Variants in ATP2C1 observed in about 807,000 individuals in gnomAD.
ATP2C1 encodes ATPase secretory pathway Ca2+ transporting 1.
ATP2C1 carries 31 observed loss-of-function variants against 120.5 expected under a neutral mutation model. The ratio of observed to expected loss-of-function variants is 0.26; its 90% confidence interval spans 0.19 to 0.35. ATP2C1 has a LOEUF of 0.35. Among genes scored for constraint, ATP2C1 ranks in the 10% least tolerant of loss-of-function variants. ATP2C1 has a pLI of 1.00. For missense variants in ATP2C1, 731 were observed against 1,107.5 expected, an observed-to-expected ratio of 0.66 and a Z score of 4.83; for synonymous variants, 351 against 358.7, an observed-to-expected ratio of 0.98 and a Z score of 0.24.
At chr3:130,970,982 T>G (rs1462008030) in intron 17 of ATP2C1, among the ~76,000 whole-genome samples, 1 of 152,092 alleles carries the variant, frequency 6.6e-6, no homozygotes, top group Non-Finnish European at 1.5e-5. Context: ...CAAGCTTAGG[T>G]GAAAGAAGAC....
rs1196045780 is a variant in ATP2C1, at chr3:130,947,162, T to C, written c.531+5463T>C. Among the ~76,000 whole-genome samples the C allele has an allele frequency of 2.6e-5, 4 of 152,172 alleles. No homozygotes were observed. In the East Asian group the frequency reaches 7.7e-4, roughly 29 times the overall value. ...ATGTGCCTAGGAATCAGCTGGGCTC[T>C]GTTTTGGTAGGTGTAGGGTGGGGCC... On this transcript the variant is annotated intron_variant, in intron 8 of 27. Coordinates refer to ENST00000510168, the MANE Select transcript of ATP2C1 (RefSeq NM_001378687.1).
At chr3:130,884,434 T>A (rs1211155169) in intron 1 of ATP2C1, among the ~76,000 whole-genome samples, 1 of 152,236 alleles carries the variant, frequency 6.6e-6, no homozygotes, top group Non-Finnish European at 1.5e-5. Flanking sequence ...ATATGGTCTG[T>A]CCCTGAGACT....
chr3:130,875,653 G>C (rs1353958409), intron 1 of ATP2C1, among the ~76,000 whole-genome samples: 1 of 152,056 alleles, frequency 6.6e-6, no homozygotes, highest in Non-Finnish European at 1.5e-5. Context: ...CGGTAGTGCT[G>C]AATCACATGA....
chr3:130,990,344 C>G (rs2108864840), intron 20 of ATP2C1, among the ~76,000 whole-genome samples: 1 of 137,754 alleles, frequency 7.3e-6, no homozygotes, highest in East Asian at 2.2e-4. Flanking sequence ...TATAGTAAGA[C>G]TAGGGAGGGC....
At chr3:130,872,468 C>T (rs1293681680) in intron 1 of ATP2C1, among the ~76,000 whole-genome samples, 1 of 152,048 alleles carries the variant, frequency 6.6e-6, no homozygotes, top group Non-Finnish European at 1.5e-5. Flanking sequence ...AATAATGTCT[C>T]TAAAATGCCT....
intron 1 of ATP2C1, among the ~76,000 whole-genome samples, chr3:130,869,821 A>G (rs62280752): frequency 0.093 from 14,213 of 152,234 alleles, 824 homozygotes; most frequent in Non-Finnish European, 0.13. Context: ...GAAAGAAGCA[A>G]TCTCCATAAC....
chr3:130,878,450 T>C (rs1376275253), intron 1 of ATP2C1, among the ~76,000 whole-genome samples: 1 of 152,244 alleles, frequency 6.6e-6, no homozygotes, highest in East Asian at 1.9e-4. Flanking sequence ...TTAGTTCCTT[T>C]TTCTGTCTTA....
At chr3:130,922,586 A>C (rs1420033423) in intron 2 of ATP2C1, among the ~76,000 whole-genome samples, 1 of 152,202 alleles carries the variant, frequency 6.6e-6, no homozygotes, top group Non-Finnish European at 1.5e-5. Context: ...TGATGTAGGC[A>C]TTTAATGCTG....
At chr3:130,911,259 A>T (rs2108114913) in intron 2 of ATP2C1, among the ~76,000 whole-genome samples, 1 of 145,318 alleles carries the variant, frequency 6.9e-6, no homozygotes, top group East Asian at 2.0e-4. Flanking sequence ...GTATTCTCTG[A>T]TGGTAGTTTG....
intron 2 of ATP2C1, among the ~76,000 whole-genome samples, chr3:130,901,512 C>T (rs2057820948): frequency 1.3e-5 from 2 of 151,966 alleles, no homozygotes; most frequent in South Asian, 4.1e-4. Context: ...ATCAGCAGGA[C>T]TTGGACAGTG....
At chr3:130,957,815 G>A (rs1256264062) in intron 11 of ATP2C1, among the ~76,000 whole-genome samples, 1 of 152,108 alleles carries the variant, frequency 6.6e-6, no homozygotes, top group Non-Finnish European at 1.5e-5. Context: ...GCCTCCCAAA[G>A]TGCAGGGATT....
downstream of ATP2C1, among the ~76,000 whole-genome samples, chr3:131,004,392 A>AT (rs1185531163): frequency 6.6e-6 from 1 of 152,222 alleles, no homozygotes; most frequent in Non-Finnish European, 1.5e-5. Context: ...ATTAACTCTT[A>AT]TTTAATGACA....
At chr3:130,952,172 C>G (rs1210915305) in intron 8 of ATP2C1, among the ~76,000 whole-genome samples, 1 of 152,074 alleles carries the variant, frequency 6.6e-6, no homozygotes, top group South Asian at 2.1e-4. Flanking sequence ...GTTGTTTTCC[C>G]TCTACCTGGC....
intron 2 of ATP2C1, among the ~76,000 whole-genome samples, chr3:130,908,281 T>C (rs1395128311): frequency 1.3e-5 from 2 of 152,078 alleles, no homozygotes; most frequent in African/African-American, 4.8e-5. Context: ...TGCAGCAACA[T>C]TTGTAATACC....
chr3:130,861,889 A>G (rs2068024824), intron 1 of ATP2C1, among the ~76,000 whole-genome samples: 1 of 152,196 alleles, frequency 6.6e-6, no homozygotes. Context: ...TACACCCTAA[A>G]TGTTTTGTTC....
At chr3:130,971,296 TG>T (rs974782022) in intron 17 of ATP2C1, among the ~76,000 whole-genome samples, 4 of 151,964 alleles carry the variant, frequency 2.6e-5, no homozygotes, top group African/African-American at 9.7e-5. Context: ...GTTGTGGGAG[TG>T]GGGGACAGAA....
intron 1 of ATP2C1, among the ~76,000 whole-genome samples, chr3:130,852,221 T>A (rs1275110380): frequency 6.6e-6 from 1 of 152,212 alleles, no homozygotes; most frequent in Non-Finnish European, 1.5e-5. Context: ...TAGGGCTGTA[T>A]AAGTTTTTGT....
chr3:130,923,864 C>CAAA (rs59951169), intron 2 of ATP2C1, among the ~76,000 whole-genome samples: 10 of 89,050 alleles, frequency 1.1e-4, no homozygotes, highest in East Asian at 9.3e-4. Flanking sequence ...GACTCTGTCT[C>CAAA]AAAAAAAAAA....
At chr3:130,864,771 G>T (rs1295880451) in intron 1 of ATP2C1, among the ~76,000 whole-genome samples, 1 of 152,228 alleles carries the variant, frequency 6.6e-6, no homozygotes, top group African/African-American at 2.4e-5. Flanking sequence ...CTGAAGTCAA[G>T]AATTGAGGTT....
Sources: gnomAD v4.1 joint callset for allele counts (sites outside exome capture counted in the v4.1 genomes callset) on GRCh38, gnomAD v4.1.1 for gene constraint, MANE v1.5 for transcripts, NCBI Gene and HGNC (gene_info 2026-07-23, HGNC 2026-07-21) for gene names.